Variants in MAP3K7CL observed in about 807,000 individuals in gnomAD.
The protein encoded by MAP3K7CL is MAP3K7 C-terminal-like protein.
A neutral mutation model predicts 18.6 loss-of-function variants in MAP3K7CL; 16 were observed. The observed-to-expected ratio is 0.86, with a 90% CI of 0.58 to 1.31. The LOEUF (loss-of-function observed/expected upper bound fraction) is 1.31. Ranked by LOEUF, MAP3K7CL falls within the 50% of genes most tolerant of loss-of-function variation. The probability of loss-of-function intolerance (pLI) is 0.00; values close to 1 mark genes in which losing one functional copy is unlikely to be tolerated. For synonymous variants in MAP3K7CL, 65 were observed against 66.8 expected, an observed-to-expected ratio of 0.97 and a Z score of 0.13; for missense variants, 163 against 174.4, an observed-to-expected ratio of 0.93 and a Z score of 0.37.
At chr21:29,078,772 A>G (rs1198882969) in intron 1 of MAP3K7CL, among the ~76,000 whole-genome samples, 4 of 152,048 alleles carry the variant, frequency 2.6e-5, no homozygotes, top group Admixed American at 6.6e-5. Flanking sequence ...CCTTTTATCT[A>G]TGGAGTGGGG....
intron 2 of MAP3K7CL, among the ~76,000 whole-genome samples, chr21:29,144,750 A>C (rs1407435523): frequency 6.6e-6 from 1 of 152,238 alleles, no homozygotes; most frequent in Non-Finnish European, 1.5e-5. Context: ...GCTAAATAAC[A>C]GGGAGGATTT....
intron 4 of MAP3K7CL, chr21:29,109,835 AC>A (rs2086388825): frequency 1.0e-6 from 1 of 969,192 alleles, no homozygotes; most frequent in African/African-American, 1.8e-5. Flanking sequence ...CATAGTGTAG[AC>A]TCCCAGGAGT....
rs573439743 is a variant in MAP3K7CL, at chr21:29,149,281, C to T, written c.132+31C>T. On this transcript the variant is annotated intron_variant, in intron 3 of 4. Transcript: ENST00000399928. ...GATTTTTCTAAAGTCTCTCTTCTTTCCTCCTTAGTGTCATAAAGTATAGCG... is the reference window on the plus strand; with the variant it reads ...GATTTTTCTAAAGTCTCTCTTCTTTTCTCCTTAGTGTCATAAAGTATAGCG... 74 of 1,591,364 alleles carry T rather than the reference C, an allele frequency of 4.7e-5. 1 individual carries two copies. The East Asian group carries it at 1.5e-3, about 32-fold the overall frequency.
intron 4 of MAP3K7CL, among the ~76,000 whole-genome samples, chr21:29,120,436 TC>T: frequency 6.6e-6 from 1 of 152,300 alleles, no homozygotes; most frequent in East Asian, 1.9e-4. Context: ...TTTGTAAGTC[TC>T]AGTTAGTTCC....
At chr21:29,141,782 TTAAA>T (rs953570149) in intron 2 of MAP3K7CL, among the ~76,000 whole-genome samples, 26 of 152,160 alleles carry the variant, frequency 1.7e-4, no homozygotes, top group African/African-American at 6.3e-4. Flanking sequence ...CCAATGTATA[TTAAA>T]TAATTCACAT....
upstream of MAP3K7CL, chr21:29,130,537 T>G: frequency 1.1e-6 from 1 of 916,732 alleles, no homozygotes; most frequent in Non-Finnish European, 1.3e-6. Flanking sequence ...ATTTTAAGTT[T>G]GCCAGGACTA....
At chr21:29,108,942 T>C in intron 4 of MAP3K7CL, 2 of 1,061,438 alleles carry the variant, frequency 1.9e-6, no homozygotes, top group Admixed American at 2.8e-5. Flanking sequence ...AATGCATGAA[T>C]GCTTTGGTTA....
At chr21:29,164,565 T>A (rs2254962) in intron 4 of MAP3K7CL, among the ~76,000 whole-genome samples, 132,983 of 152,268 alleles carry the variant, frequency 0.87, 58,324 homozygotes, top group African/African-American at 0.92. Flanking sequence ...TTTGGGAGAA[T>A]TTGTCTTAAG....
chr21:29,136,398 C>T (rs904066531), intron 2 of MAP3K7CL, among the ~76,000 whole-genome samples: 2 of 152,098 alleles, frequency 1.3e-5, no homozygotes, highest in East Asian at 3.8e-4. Flanking sequence ...AATGAGGGCA[C>T]TAATGTGGAC....
chr21:29,104,652 C>G (rs991279860), intron 4 of MAP3K7CL, among the ~76,000 whole-genome samples: 1 of 152,202 alleles, frequency 6.6e-6, no homozygotes, highest in Non-Finnish European at 1.5e-5. Flanking sequence ...TGGAATCACA[C>G]ACAGGAAAGG....
At chr21:29,147,681 T>C (rs1467436212) in intron 2 of MAP3K7CL, among the ~76,000 whole-genome samples, 3 of 151,790 alleles carry the variant, frequency 2.0e-5, no homozygotes, top group Non-Finnish European at 2.9e-5. Context: ...GTCTCTATTG[T>C]ATATGTATGT....
intron 3 of MAP3K7CL, among the ~76,000 whole-genome samples, chr21:29,151,970 T>G (rs1290153017): frequency 6.6e-6 from 1 of 152,262 alleles, no homozygotes; most frequent in Non-Finnish European, 1.5e-5. Flanking sequence ...AGAGGGTAGT[T>G]TCTGGCTCAT....
At chr21:29,111,958 C>T (rs1050163786) in intron 4 of MAP3K7CL, among the ~76,000 whole-genome samples, 1 of 152,172 alleles carries the variant, frequency 6.6e-6, no homozygotes, top group African/African-American at 2.4e-5. Flanking sequence ...ATTGCCTCCT[C>T]TCCAATCCTC....
At chr21:29,123,475 G>C (rs190966436) in intron 4 of MAP3K7CL, among the ~76,000 whole-genome samples, 41 of 152,312 alleles carry the variant, frequency 2.7e-4, no homozygotes, top group African/African-American at 9.9e-4. Context: ...ACAGTGGACA[G>C]AGAGAACAGA....
rs913072144 is a variant in MAP3K7CL at position 29,097,007 on chromosome 21, G to C, written c.370+4426G>C. Among the ~76,000 whole-genome samples, 22 of 152,312 alleles carry C rather than the reference G, an allele frequency of 1.4e-4. No homozygotes were observed. In the Middle Eastern group the frequency reaches 0.01, roughly 71 times the overall value. On this transcript the variant is annotated intron_variant, in intron 4 of 6. Transcript: ENST00000286791. ...GTTTAAAATCTCGGCTAAGAACTCT[G>C]ATAGGAACTTGGAAGAGCACCATTT...
At chr21:29,132,301 C>T (rs1484882902) in intron 1 of MAP3K7CL, among the ~76,000 whole-genome samples, 1 of 151,374 alleles carries the variant, frequency 6.6e-6, no homozygotes, top group East Asian at 1.9e-4. Context: ...GTTTTTTTTC[C>T]ATTCATTCTA....
chr21:29,092,534 A>G (rs1341479977), exon 4 of MAP3K7CL: 1 of 1,614,250 alleles, frequency 6.2e-7, no homozygotes, highest in South Asian at 1.1e-5. Context: ...CTCACTCTGA[A>G]GCCAAAGTCT....
At chr21:29,162,120 T>C (rs2087563743) in intron 4 of MAP3K7CL, among the ~76,000 whole-genome samples, 1 of 152,104 alleles carries the variant, frequency 6.6e-6, no homozygotes, top group Non-Finnish European at 1.5e-5. Context: ...TTGAGGATTA[T>C]TAATCATGTG....
intron 3 of MAP3K7CL, among the ~76,000 whole-genome samples, chr21:29,156,827 T>G (rs1468868432): frequency 6.6e-6 from 1 of 152,222 alleles, no homozygotes; most frequent in Non-Finnish European, 1.5e-5. Context: ...ATCAGTTTCC[T>G]GGCTGGGGTA....
Sources: gnomAD v4.1 joint callset for allele counts (sites outside exome capture counted in the v4.1 genomes callset) on GRCh38, gnomAD v4.1.1 for gene constraint, MANE v1.5 for transcripts, NCBI Gene and HGNC (gene_info 2026-07-23, HGNC 2026-07-21) for gene names.